Variants in TECTB observed in about 807,000 individuals in gnomAD.
TECTB encodes tectorin beta, also known as beta-tectorin.
A neutral mutation model predicts 43.3 loss-of-function variants in TECTB; 45 were observed. That is an observed-to-expected ratio of 1.04 (90% CI 0.82 to 1.33). The LOEUF (loss-of-function observed/expected upper bound fraction) is 1.33, where lower values mean the gene tolerates loss of function less well. TECTB is among the 40% of genes most tolerant of loss of function. The pLI, the probability that TECTB is intolerant of heterozygous loss-of-function variation, is 0.00. For synonymous variants in TECTB, 169 were observed against 156.7 expected, an observed-to-expected ratio of 1.08 and a Z score of -0.59; for missense variants, 399 against 404.7, an observed-to-expected ratio of 0.99 and a Z score of 0.12.
Position 112,283,500 on chromosome 10 carries a change from T to G in TECTB, c.-88+4T>G, listed in dbSNP as rs900260156. 23 of 538,432 alleles carry G rather than the reference T, an allele frequency of 4.3e-5. No individual in the cohort carries two copies. In the East Asian group the frequency reaches 6.5e-4, roughly 15 times the overall value. The allele number at this position is 538,432 out of a possible 1,614,324, so 33.4% of individuals were successfully genotyped here. On this transcript the variant is annotated splice_donor_region_variant and intron_variant, in intron 1 of 10. Coordinates refer to ENST00000646139, the MANE Select transcript of TECTB (RefSeq NM_058222.3). ...TGTGTCATTGACGCTTCCAACGGTA[T>G]GAGCCCCACTTTTTGCCTCTCAGCG... is the stretch of plus-strand genomic sequence containing the variant.
At chr10:112,292,018 C>T (rs1016145734) in intron 5 of TECTB, among the ~76,000 whole-genome samples, 15 of 151,910 alleles carry the variant, frequency 9.9e-5, no homozygotes, top group Non-Finnish European at 1.3e-4. Context: ...CACCTGTAGT[C>T]GCAGCTACTC....
chr10:112,299,747 G>C, intron 9 of TECTB, 183 bp downstream of exon 9: 1 of 607,632 alleles, frequency 1.6e-6, no homozygotes, highest in Non-Finnish European at 2.9e-6. Flanking sequence ...CCAAACGAAG[G>C]AGTTGAGGTT....
At chr10:112,289,991 C>G (rs906096718) in intron 5 of TECTB, among the ~76,000 whole-genome samples, 25 of 152,166 alleles carry the variant, frequency 1.6e-4, no homozygotes, top group Non-Finnish European at 3.5e-4. Context: ...AACTGTGGGT[C>G]CCCTCTTACC....
chr10:112,284,603 G>A lies in TECTB; in HGVS notation c.145G>A (p.Glu49Lys). 6.2e-7 allele frequency: 1 copy of A among 1,613,808 alleles called. No homozygotes were observed. Among genetic ancestry groups the A allele is most frequent in the Non-Finnish European group, 8.5e-7 (1 of 1,179,842 alleles). ...TKIPECPYGW[E>K]VHQLALGGLC... ...AATCCCCGAGTGTCCCTATGGATGG[G>A]AAGTTCATCAGCTGGCCCTCGGAGG... The change falls in exon 3 of 11, where the codon GAA becomes AAA. Residue 49 changes from glutamate to lysine, a missense_variant. Physicochemically the swap from Glu to Lys is moderately conservative, Grantham distance 56 (BLOSUM62 1). Transcript: ENST00000646139.
chr10:112,300,139 G>T (rs1848585848), intron 9 of TECTB, among the ~76,000 whole-genome samples: 1 of 144,338 alleles, frequency 6.9e-6, no homozygotes, highest in Admixed American at 7.1e-5. Context: ...TCCAGCCTGG[G>T]CAACAAGAGC....
At chr10:112,285,240 A>G (rs1848444268) in intron 3 of TECTB, among the ~76,000 whole-genome samples, 1 of 152,242 alleles carries the variant, frequency 6.6e-6, no homozygotes, top group Non-Finnish European at 1.5e-5. Context: ...ATGACAGACG[A>G]GAAGTCTGAG....
In TECTB at chr10:112,304,862, T is replaced by C. The variant is rs1194273760; in HGVS notation, c.*1550T>C. ...TTATAGTCAGGAAAAACAGAAGACA[T>C]ATTTTATTGGTTCTAGTAGAAAACT... On this transcript the variant is annotated 3_prime_UTR_variant, in exon 11 of 11. Transcript: ENST00000646139. The C allele has an allele frequency of 3.3e-5, 5 of 152,132 alleles. No homozygotes were observed. Among genetic ancestry groups the C allele is most frequent in the Non-Finnish European group, 7.3e-5 (5 of 68,038 alleles). The allele number at this position is 152,132 out of a possible 1,614,324, so 9.4% of individuals were successfully genotyped here. A position where few individuals can be genotyped will look rare whatever the true frequency, so the allele number is the denominator to read the frequency against.
chr10:112,289,409 C>T (rs762668133), intron 5 of TECTB, among the ~76,000 whole-genome samples: 22 of 152,136 alleles, frequency 1.4e-4, no homozygotes, highest in Non-Finnish European at 3.1e-4. Flanking sequence ...AACAAGCCTC[C>T]GAGGTGGTAA....
Position 112,302,110 on chromosome 10 carries a change from T to C in TECTB, c.917T>C (p.Phe306Ser). ...VVELSLRSRGFSSLYSFSDVL... is the reference protein window; with the variant it reads ...VVELSLRSRGSSSLYSFSDVL... ...TCTTTACTCACTACAGGCAGGGGAT[T>C]TTCCAGTCTCTATAGCTTCTCAGGT... is the stretch of plus-strand genomic sequence containing the variant. Residue 306 changes from phenylalanine to serine, a missense_variant, in exon 10 of 11, where the codon TTT becomes TCT. By Grantham distance (155) the Phe-to-Ser change is radical. Coordinates refer to ENST00000646139, the MANE Select transcript of TECTB (RefSeq NM_058222.3). 1 of 1,614,108 alleles carries C rather than the reference T, an allele frequency of 6.2e-7. No individual in the cohort carries two copies.
intron 5 of TECTB, among the ~76,000 whole-genome samples, chr10:112,291,615 T>C (rs1409216863): frequency 1.3e-5 from 2 of 152,248 alleles, no homozygotes; most frequent in Non-Finnish European, 2.9e-5. Context: ...TGTCTACCTA[T>C]TGCAGTTCTG....
chr10:112,300,279 A>AAAGGAAAGAAAGAAAGAAAGAAAGAAAG (rs1361291056), intron 9 of TECTB, among the ~76,000 whole-genome samples: 17 of 48,360 alleles, frequency 3.5e-4, no homozygotes, highest in African/African-American at 8.9e-4. Flanking sequence ...AGAAAGAAAG[A>AAAGGAAAGAAAGAAAGAAAGAAAGAAAG]AAAGAAAGAA....
At chr10:112,291,126 A>G (rs748743646) in intron 5 of TECTB, among the ~76,000 whole-genome samples, 1 of 152,108 alleles carries the variant, frequency 6.6e-6, no homozygotes, top group African/African-American at 2.4e-5. Context: ...AGCATGCATT[A>G]GCTATTTTTC....
At chr10:112,297,439 AAAG>A (rs139843470) in intron 7 of TECTB, among the ~76,000 whole-genome samples, 42,637 of 152,012 alleles carry the variant, frequency 0.28, 6,694 homozygotes, top group East Asian at 0.49. Context: ...ATAAAAATAC[AAAG>A]AAGAAAACCA....
At chr10:112,284,510 T>C in intron 2 of TECTB, 25 bp from the exon 3 acceptor site, 1 of 1,554,550 alleles carries the variant, frequency 6.4e-7, no homozygotes, top group Non-Finnish European at 8.7e-7. Flanking sequence ...TAACTGATTT[T>C]AAACTATATG....
intron 3 of TECTB, 106 bp downstream of exon 3, chr10:112,284,831 C>A: frequency 9.5e-7 from 1 of 1,053,770 alleles, no homozygotes; most frequent in Non-Finnish European, 1.3e-6. Flanking sequence ...TTACCCATTT[C>A]CTTTTAAAGG....
At chr10:112,300,285 A>AAGAT (rs1491570488) in intron 9 of TECTB, among the ~76,000 whole-genome samples, 1 of 118,814 alleles carries the variant, frequency 8.4e-6, no homozygotes, top group Admixed American at 8.8e-5. Context: ...AAAGAAAAGA[A>AAGAT]AGAAAGAAAG....
In TECTB at chr10:112,299,517, T is replaced by G; in HGVS notation, c.860T>G (p.Leu287Arg). 6.2e-7 allele frequency: 1 copy of G among 1,614,232 alleles called. No homozygotes were observed. Among genetic ancestry groups the G allele is most frequent in the East Asian group, 2.2e-5 (1 of 44,886 alleles). The stretch of plus-strand genomic sequence containing the variant: ...ACCTGCGATAAACGGAAGCGCCTCC[T>G]GCGAGACCAGACCGGGGGAGTCCTG... ...PVTCDKRKRLLRDQTGGVLVV... is the reference protein window; with the variant it reads ...PVTCDKRKRLRRDQTGGVLVV... The change falls in exon 9 of 11, where the codon CTG (leucine) becomes CGG (arginine). Residue 287 changes from leucine to arginine, a missense_variant. Physicochemically the swap from Leu to Arg is moderately radical, Grantham distance 102. Transcript: ENST00000646139.
In TECTB at chr10:112,301,993, G is replaced by C. The variant is rs140305431; in HGVS notation, c.908-108G>C. On this transcript the variant is annotated intron_variant, in intron 9 of 10. Coordinates refer to ENST00000646139, the MANE Select transcript of TECTB (RefSeq NM_058222.3). ...CCCAAAGTGCTGGGATTACAAGTGT[G>C]AGCCGCAGCCCCCAGCCAGGTTTTG... The C allele has an allele frequency of 2.7e-3, 3,623 of 1,342,588 alleles. 9 individuals carry two copies. Among genetic ancestry groups the C allele is most frequent in the Non-Finnish European group, 3.4e-3 (3,272 of 959,314 alleles). The allele number at this position is 1,342,588 out of a possible 1,614,324, so 83.2% of individuals were successfully genotyped here. A position where few individuals can be genotyped will look rare whatever the true frequency, so the allele number is the denominator to read the frequency against.
At chr10:112,301,885 AT>A (rs905900245) in intron 9 of TECTB, among the ~76,000 whole-genome samples, 31 of 151,998 alleles carry the variant, frequency 2.0e-4, no homozygotes, top group Non-Finnish European at 4.0e-4. Context: ...TCATTTTTGT[AT>A]TTTTGGTAGA....
Sources: gnomAD v4.1 joint callset for allele counts (sites outside exome capture counted in the v4.1 genomes callset) on GRCh38, gnomAD v4.1.1 for gene constraint, MANE v1.5 for transcripts, NCBI Gene and HGNC (gene_info 2026-07-23, HGNC 2026-07-21) for gene names.